LAMB1: variants seen among roughly 807,000 people sequenced by gnomAD.
LAMB1 encodes laminin subunit beta 1, also known as laminin subunit beta-1.
LAMB1 carries 121 observed loss-of-function variants against 222.3 expected under a neutral mutation model. That is an observed-to-expected ratio of 0.54 (90% CI 0.47 to 0.63). LAMB1 has a LOEUF of 0.63. Among genes scored for constraint, LAMB1 ranks in the 30% least tolerant of loss-of-function variants. The pLI, the probability that LAMB1 is intolerant of heterozygous loss-of-function variation, is 0.00. For missense variants in LAMB1, 2,172 were observed against 2,240.8 expected (o/e 0.97, Z 0.62); for synonymous variants, 794 against 807.2 (o/e 0.98, Z 0.28).
At position 107,960,459 on chromosome 7, in the gene LAMB1, T is replaced by C; in HGVS notation, c.2300A>G (p.His767Arg). 2.5e-6 allele frequency: 4 copies of C among 1,613,742 alleles called. No individual in the cohort carries two copies. The highest frequency in any genetic ancestry group is 3.4e-6 in the Non-Finnish European group (4 of 1,179,680). The part of the protein sequence containing the change: ...NIIFSISALL[H>R]QTGLACECDP... ...GCAATACCTACCCAGGCCTGTCTGG[T>C]GTAACAGGGCAGAAATGCTAAAGAT... The change falls in exon 18 of 34, where the codon CAC becomes CGC. Residue 767 changes from histidine (H) to arginine (R), a missense_variant. Transcript: ENST00000222399.
At chr7:107,975,120 T>C in intron 11 of LAMB1, 22 bp from the exon 12 acceptor site, 1 of 1,557,826 alleles carries the variant, frequency 6.4e-7, no homozygotes, top group Non-Finnish European at 8.9e-7. Context: ...CAAAATGAAG[T>C]GGAGAAACAC....
At chr7:107,989,695 C>T (rs566687764) in intron 5 of LAMB1, among the ~76,000 whole-genome samples, 2 of 152,312 alleles carry the variant, frequency 1.3e-5, no homozygotes, top group African/African-American at 2.4e-5. Context: ...CCATGGCAAA[C>T]TCCCCGTGAG....
intron 32 of LAMB1, 130 bp from the exon 33 acceptor site, chr7:107,924,519 TA>T: frequency 1.1e-5 from 7 of 611,554 alleles, no homozygotes; most frequent in South Asian, 3.3e-5. Flanking sequence ...GTAAGTAATT[TA>T]AAATTTTATC....
At chr7:107,929,863 G>C in intron 29 of LAMB1, 1 of 540,730 alleles carries the variant, frequency 1.8e-6, no homozygotes, top group Non-Finnish European at 3.3e-6. Context: ...GGTAGTGAGG[G>C]AAACCTTCGT....
intron 7 of LAMB1, among the ~76,000 whole-genome samples, chr7:107,983,856 T>C (rs916833485): frequency 1.3e-5 from 2 of 152,040 alleles, no homozygotes; most frequent in Admixed American, 6.6e-5. Flanking sequence ...CCCAAGAAGA[T>C]TAAAATGTAA....
chr7:107,935,269 C>T (rs944137975), intron 27 of LAMB1, 146 bp downstream of exon 27: 16 of 1,254,444 alleles, frequency 1.3e-5, no homozygotes, highest in Non-Finnish European at 1.6e-5. Flanking sequence ...ATCCAGAGAC[C>T]TCAGCCTAGG....
intron 23 of LAMB1, 57 bp from the exon 24 acceptor site, chr7:107,951,379 A>C: frequency 6.6e-7 from 1 of 1,516,952 alleles, no homozygotes; most frequent in Non-Finnish European, 9.1e-7. Flanking sequence ...GCCAGTTGTC[A>C]TCTTTTTTTT....
intron 9 of LAMB1, 48 bp downstream of exon 9, chr7:107,977,999 A>G (rs1482136097): frequency 6.2e-7 from 1 of 1,609,276 alleles, no homozygotes; most frequent in East Asian, 2.2e-5. Context: ...TAGGAAATGG[A>G]TACTAGAGCC....
chr7:107,959,653 T>C, intron 19 of LAMB1, 38 bp downstream of exon 19: 1 of 1,614,210 alleles, frequency 6.2e-7, no homozygotes, highest in Non-Finnish European at 8.5e-7. Context: ...GCTGAGTTAA[T>C]CTGAATGAAT....
rs78106102 is a variant in LAMB1 at position 107,939,428 on chromosome 7, G to A, written c.3761+561C>T. 2.6e-4 allele frequency among the ~76,000 whole-genome samples: 40 copies of A among 152,224 alleles called. 1 individual carries two copies. In the East Asian group the frequency reaches 4.4e-3, roughly 17 times the overall value. ...AGCACTGGTCTGGTGGACTAATGGC[G>A]GAGAAGCAGAAAAAACTTGAAGTAA... is the stretch of plus-strand genomic sequence containing the variant. On this transcript the variant is annotated intron_variant, in intron 25 of 33. Coordinates refer to ENST00000222399, the MANE Select transcript of LAMB1 (RefSeq NM_002291.3).
At chr7:107,954,304 G>A (rs373375378) in intron 21 of LAMB1, among the ~76,000 whole-genome samples, 21 of 151,830 alleles carry the variant, frequency 1.4e-4, no homozygotes, top group Admixed American at 1.1e-3. Context: ...ACAGGTTTGC[G>A]GCACTACACC....
intron 24 of LAMB1, among the ~76,000 whole-genome samples, chr7:107,943,810 C>T (rs1413761015): frequency 6.6e-6 from 1 of 152,154 alleles, no homozygotes; most frequent in South Asian, 2.1e-4. Flanking sequence ...AAAAAGAGAG[C>T]ATGTGCGTGT....
intron 23 of LAMB1, 106 bp downstream of exon 23, chr7:107,951,903 T>C (rs1562985440): frequency 1.1e-6 from 1 of 916,112 alleles, no homozygotes; most frequent in South Asian, 1.6e-5. Context: ...CAGGCCACGC[T>C]GTGTTTCAAG....
In LAMB1 at chr7:107,962,971, C is replaced by T. The variant is rs767006546; in HGVS notation, c.1791G>A (p.Leu597=). The T allele has an allele frequency of 3.7e-6, 6 of 1,614,002 alleles. No individual in the cohort carries two copies. Among genetic ancestry groups the T allele is most frequent in the Non-Finnish European group, 5.1e-6 (6 of 1,179,952 alleles). Residue 597 remains leucine (L), a synonymous_variant, in exon 15 of 34, where the codon TTG becomes TTA. Coordinates refer to ENST00000222399, the MANE Select transcript of LAMB1 (RefSeq NM_002291.3). The stretch of plus-strand genomic sequence containing the variant: ...ATGGTATGTTGTCAATGAAAAACTC[C>T]AAATAAGCCCCTTCAGGCACTCGGA... The part of the protein sequence containing the change: ...GFVRVPEGAY[L]EFFIDNIPYS...
chr7:107,936,780 C>A (rs564039721), intron 26 of LAMB1, among the ~76,000 whole-genome samples: 2 of 151,766 alleles, frequency 1.3e-5, no homozygotes, highest in South Asian at 4.2e-4. Flanking sequence ...AAAAGAACCC[C>A]CTTCCAAGAA....
At position 107,932,375 on chromosome 7, in the gene LAMB1, G is replaced by A. The variant is rs767709762; in HGVS notation, c.4191C>T (p.Thr1397=). 1.9e-6 allele frequency: 3 copies of A among 1,614,084 alleles called. No individual in the cohort carries two copies. The highest frequency in any genetic ancestry group is 2.5e-6 in the Non-Finnish European group (3 of 1,180,026). The change falls in exon 28 of 34, where the codon ACC becomes ACT. Residue 1397 remains threonine (T), a splice_region_variant and synonymous_variant. Transcript: ENST00000222399. ...AGGAGGCCCCTGGGGGTGTTCCACA[G>A]GTCTGCAACAAGCCAAGGATCAGGC... The part of the protein sequence containing the change: ...SLDLSAAAEM[T]CGTPPGASCS...
At chr7:107,998,186 G>A (rs1173395013) in intron 4 of LAMB1, among the ~76,000 whole-genome samples, 171 bp downstream of exon 4, 1 of 152,162 alleles carries the variant, frequency 6.6e-6, no homozygotes, top group East Asian at 1.9e-4. Context: ...GCTTCAGGAA[G>A]AAGGATAAGA....
At chr7:107,989,133 T>A (rs955069159) in intron 5 of LAMB1, among the ~76,000 whole-genome samples, 1 of 152,150 alleles carries the variant, frequency 6.6e-6, no homozygotes, top group East Asian at 1.9e-4. Context: ...AAAGGCAGTC[T>A]TCTGAAACCA....
intron 24 of LAMB1, among the ~76,000 whole-genome samples, chr7:107,946,369 A>G (rs892868188): frequency 5.3e-5 from 8 of 152,248 alleles, no homozygotes; most frequent in African/African-American, 1.7e-4. Flanking sequence ...GGAGATGAAT[A>G]TAATTTTACC....
Sources: gnomAD v4.1 joint callset for allele counts (sites outside exome capture counted in the v4.1 genomes callset) on GRCh38, gnomAD v4.1.1 for gene constraint, MANE v1.5 for transcripts, NCBI Gene and HGNC (gene_info 2026-07-23, HGNC 2026-07-21) for gene names.